The following ADAMTS19 variants were observed in gnomAD, a reference collection of about 807,000 sequenced individuals.
ADAMTS19 encodes A disintegrin and metalloproteinase with thrombospondin motifs 19.
A neutral mutation model predicts 153.3 loss-of-function variants in ADAMTS19; 93 were observed. The ratio of observed to expected loss-of-function variants is 0.61; its 90% confidence interval spans 0.51 to 0.72. The LOEUF (loss-of-function observed/expected upper bound fraction) is 0.72. ADAMTS19 is among the 30% of genes least tolerant of loss of function. The pLI is 0.00. For missense variants in ADAMTS19, 1,482 were observed against 1,552.1 expected (o/e 0.95, Z 0.76); for synonymous variants, 600 against 556.6 (o/e 1.08, Z -1.10).
At chr5:129,530,211 C>G (rs952646470) in intron 6 of ADAMTS19, among the ~76,000 whole-genome samples, 1 of 152,084 alleles carries the variant, frequency 6.6e-6, no homozygotes, top group Non-Finnish European at 1.5e-5. Flanking sequence ...AAATGTGACC[C>G]ATGGTCAGGG....
chr5:129,531,367 G>T (rs1043110376), intron 6 of ADAMTS19, among the ~76,000 whole-genome samples: 1 of 152,154 alleles, frequency 6.6e-6, no homozygotes, highest in African/African-American at 2.4e-5. Flanking sequence ...GCTCACACCT[G>T]TAATCCCAGC....
chr5:129,692,057 CTG>C (rs1379414188), intron 18 of ADAMTS19, among the ~76,000 whole-genome samples: 1 of 152,134 alleles, frequency 6.6e-6, no homozygotes. Flanking sequence ...TGCATCTATT[CTG>C]TAAGTGTCAA....
At position 129,620,354 on chromosome 5, in the gene ADAMTS19, T is replaced by C. The variant is rs557887848; in HGVS notation, c.1479-264T>C. ...AATATATCTGTAGGTCATTTCCGTA[T>C]AAAGGACCTAAACATGTCATTTTAT... is the stretch of plus-strand genomic sequence containing the variant. On this transcript the variant is annotated intron_variant, in intron 8 of 22. Transcript: ENST00000274487. Among the ~76,000 whole-genome samples, 90 of 152,176 alleles carry C rather than the reference T, an allele frequency of 5.9e-4. 1 individual carries two copies. The highest frequency in any genetic ancestry group is 2.3e-3 in the South Asian group (11 of 4,828).
intron 4 of ADAMTS19, among the ~76,000 whole-genome samples, chr5:129,527,491 G>A (rs1387174498): frequency 1.3e-5 from 2 of 150,648 alleles, no homozygotes; most frequent in African/African-American, 4.9e-5. Flanking sequence ...TCTTTTCTAA[G>A]TAGAAATATC....
intron 15 of ADAMTS19, among the ~76,000 whole-genome samples, chr5:129,661,013 G>A (rs1433135221): frequency 4.6e-5 from 7 of 152,050 alleles, no homozygotes; most frequent in South Asian, 2.1e-4. Flanking sequence ...AATGTGTATC[G>A]ATCAGCTTTC....
At chr5:129,547,348 A>G (rs533441736) in intron 6 of ADAMTS19, among the ~76,000 whole-genome samples, 1 of 150,980 alleles carries the variant, frequency 6.6e-6, no homozygotes, top group East Asian at 1.9e-4. Context: ...TGACACATTG[A>G]TTTTAGTGCA....
At chr5:129,476,637 A>G (rs920329477) in intron 2 of ADAMTS19, among the ~76,000 whole-genome samples, 5 of 152,158 alleles carry the variant, frequency 3.3e-5, no homozygotes, top group African/African-American at 1.2e-4. Flanking sequence ...AACCAAACCA[A>G]TATCTCCTCT....
At position 129,524,883 on chromosome 5, in the gene ADAMTS19, C is replaced by A. The variant is rs1175878291; in HGVS notation, c.914-1401C>A. On this transcript the variant is annotated intron_variant, in intron 3 of 22. Transcript: ENST00000274487. The stretch of plus-strand genomic sequence containing the variant: ...GAGTTGGTTTTTAAGAGCATTTCTT[C>A]CCAGGCTTTGATGTGTCTTTAAATG... Among the ~76,000 whole-genome samples the A allele has an allele frequency of 3.9e-5, 6 of 152,170 alleles. No individual in the cohort carries two copies. The South Asian group carries it at 6.2e-4, about 16-fold the overall frequency.
At chr5:129,492,960 A>G (rs1042524426) in intron 2 of ADAMTS19, among the ~76,000 whole-genome samples, 8 of 152,078 alleles carry the variant, frequency 5.3e-5, no homozygotes, top group African/African-American at 1.9e-4. Context: ...GTGCTTCTTT[A>G]AGAAGAACTT....
intron 8 of ADAMTS19, among the ~76,000 whole-genome samples, chr5:129,604,147 C>T (rs1750787375): frequency 6.6e-6 from 1 of 152,064 alleles, no homozygotes; most frequent in Non-Finnish European, 1.5e-5. Flanking sequence ...ATAGCTAATG[C>T]ATGCTGGGCT....
intron 16 of ADAMTS19, among the ~76,000 whole-genome samples, chr5:129,677,715 G>A (rs1754611357): frequency 6.6e-6 from 1 of 152,008 alleles, no homozygotes; most frequent in Non-Finnish European, 1.5e-5. Flanking sequence ...TTTCAGTTGG[G>A]CTACCATGTT....
chr5:129,713,079 A>T lies in ADAMTS19; in HGVS notation c.3312+8688A>T, dbSNP rs116080294. Among the ~76,000 whole-genome samples the T allele has an allele frequency of 3.6e-3, 551 of 152,294 alleles. 5 individuals are homozygous for T. The highest frequency in any genetic ancestry group is 0.012 in the African/African-American group (515 of 41,552). On this transcript the variant is annotated intron_variant, in intron 21 of 22. Coordinates refer to ENST00000274487, the MANE Select transcript of ADAMTS19 (RefSeq NM_133638.6). ...GGGAATCTATAATTTCATCTCCTAA[A>T]CCATATCTCAGATTAATTCAGAAAG...
intron 21 of ADAMTS19, among the ~76,000 whole-genome samples, chr5:129,721,933 C>T (rs1424373292): frequency 6.6e-6 from 1 of 152,220 alleles, no homozygotes; most frequent in Non-Finnish European, 1.5e-5. Flanking sequence ...GACATGACCT[C>T]ATCCCTTTTA....
chr5:129,503,147 G>A lies in ADAMTS19; in HGVS notation c.748-5930G>A, dbSNP rs138831314. Among the ~76,000 whole-genome samples, 108 of 152,298 alleles carry A rather than the reference G, an allele frequency of 7.1e-4. 2 individuals carry two copies. The highest frequency in any genetic ancestry group is 2.5e-3 in the African/African-American group (104 of 41,566). On this transcript the variant is annotated intron_variant, in intron 2 of 22. Coordinates refer to ENST00000274487, the MANE Select transcript of ADAMTS19 (RefSeq NM_133638.6). ...TGTTATTGTTATATATGAAGTTTGAGTAGTAAAAGTAAAACTGGAGAGGCA... is the reference window on the plus strand; with the variant it reads ...TGTTATTGTTATATATGAAGTTTGAATAGTAAAAGTAAAACTGGAGAGGCA...
chr5:129,536,443 A>G (rs1453428174), intron 6 of ADAMTS19, among the ~76,000 whole-genome samples: 1 of 152,170 alleles, frequency 6.6e-6, no homozygotes, highest in African/African-American at 2.4e-5. Flanking sequence ...GAGAAATAGG[A>G]ACACTTTTAC....
In ADAMTS19 at chr5:129,527,814, C is replaced by T; in HGVS notation, c.1153C>T (p.Leu385=). The T allele has an allele frequency of 1.3e-6, 2 of 1,595,220 alleles. No homozygotes were observed. The highest frequency in any genetic ancestry group is 1.7e-6 in the Non-Finnish European group (2 of 1,167,284). The change falls in exon 5 of 23, where the codon CTG becomes TTG. Residue 385 remains leucine, a synonymous_variant. Coordinates refer to ENST00000274487, the MANE Select transcript of ADAMTS19 (RefSeq NM_133638.6). ...QVNLRVIKLI[L]LHETPPELYI... ...CAATCTTCGTGTGATAAAGCTTATT[C>T]TGCTCCATGAAACTCCAGTAAGAAA...
intron 7 of ADAMTS19, among the ~76,000 whole-genome samples, chr5:129,576,505 C>G (rs1256728096): frequency 2.0e-5 from 3 of 151,690 alleles, no homozygotes; most frequent in Admixed American, 1.3e-4. Context: ...TCATAAGTTT[C>G]TATTTCACTT....
rs1045485521 is a variant in ADAMTS19, at chr5:129,528,563, G to C, written c.1214G>C (p.Ser405Thr). Residue 405 changes from serine (S) to threonine (T), a missense_variant, in exon 6 of 23, where the codon AGT becomes ACT. Ser to Thr is a moderately conservative substitution (Grantham distance 58, BLOSUM62 1). Transcript: ENST00000274487. ...CATCATGGAGAAAAAATGCTAGAGA[G>C]TTTTTGTAAGTGGCAACATGAAGAA... is the stretch of plus-strand genomic sequence containing the variant. ...IGHHGEKMLE[S>T]FCKWQHEEFG... The C allele has an allele frequency of 3.7e-6, 6 of 1,602,534 alleles. No individual in the cohort carries two copies. In the Admixed American group the frequency reaches 8.6e-5, roughly 23 times the overall value.
intron 14 of ADAMTS19, among the ~76,000 whole-genome samples, chr5:129,658,327 A>G (rs1259163492): frequency 0.014 from 1,682 of 116,988 alleles, 145 homozygotes; most frequent in African/African-American, 0.069. Flanking sequence ...GAAAGAAAGA[A>G]AGAAAGAAAG....
Sources: allele counts gnomAD v4.1 joint callset (sites outside exome capture counted in the v4.1 genomes callset), GRCh38; gene constraint gnomAD v4.1.1; transcripts MANE v1.5; gene names NCBI Gene and HGNC (gene_info 2026-07-23, HGNC 2026-07-21).